Variants in LRP1B observed in about 807,000 individuals in gnomAD.
The protein encoded by LRP1B is low-density lipoprotein receptor-related protein 1B.
A neutral mutation model predicts 556.6 loss-of-function variants in LRP1B; 217 were observed. The ratio of observed to expected loss-of-function variants is 0.39; its 90% CI spans 0.35 to 0.44. The LOEUF is 0.44. Among genes scored for constraint, LRP1B ranks in the 20% least tolerant of loss-of-function variants. The probability of loss-of-function intolerance (pLI) is 1.00; values close to 1 mark genes in which losing one functional copy is unlikely to be tolerated. For missense variants in LRP1B, 5,053 were observed against 5,620.8 expected, an observed-to-expected ratio of 0.90 and a Z score of 3.23; for synonymous variants, 2,047 against 1,865.8, an observed-to-expected ratio of 1.10 and a Z score of -2.50.
chr2:141,558,325 T>C (rs1686033223), intron 2 of LRP1B, among the ~76,000 whole-genome samples: 2 of 151,770 alleles, frequency 1.3e-5, no homozygotes, highest in South Asian at 4.1e-4. Flanking sequence ...TCCTCATCAT[T>C]CGTCAGGCCT....
intron 1 of LRP1B, among the ~76,000 whole-genome samples, chr2:141,968,643 G>C (rs181976497): frequency 6.6e-6 from 1 of 151,914 alleles, no homozygotes; most frequent in Admixed American, 6.6e-5. Context: ...TATTCTAAGT[G>C]AAAGTGAATG....
chr2:141,433,712 T>C (rs914308849), intron 3 of LRP1B, among the ~76,000 whole-genome samples: 1 of 151,880 alleles, frequency 6.6e-6, no homozygotes, highest in Non-Finnish European at 1.5e-5. Context: ...TCTTTGGCTT[T>C]CAACTTTATG....
intron 32 of LRP1B, among the ~76,000 whole-genome samples, chr2:140,782,683 G>GA (rs1489603173): frequency 6.6e-6 from 1 of 151,994 alleles, no homozygotes; most frequent in African/African-American, 2.4e-5. Flanking sequence ...TGTTAATATT[G>GA]ATAATTAACA....
intron 35 of LRP1B, among the ~76,000 whole-genome samples, chr2:140,727,985 G>A (rs1206605428): frequency 1.3e-5 from 2 of 151,908 alleles, no homozygotes; most frequent in Admixed American, 6.6e-5. Context: ...TAAATAAAAT[G>A]AAATCTGCAG....
At chr2:142,054,356 C>T (rs1479987226) in intron 1 of LRP1B, among the ~76,000 whole-genome samples, 4 of 151,996 alleles carry the variant, frequency 2.6e-5, no homozygotes, top group Non-Finnish European at 5.9e-5. Context: ...TAAGATTCCC[C>T]TACATGTTGT....
intron 65 of LRP1B, 80 bp downstream of exon 65, chr2:140,444,250 T>G (rs1686554774): frequency 7.0e-7 from 1 of 1,424,612 alleles, no homozygotes; most frequent in African/African-American, 1.4e-5. Context: ...TCATATGAAT[T>G]TATGAAGTAT....
intron 5 of LRP1B, among the ~76,000 whole-genome samples, chr2:141,235,183 G>A (rs1518799): frequency 1.3e-5 from 2 of 151,826 alleles, no homozygotes; most frequent in South Asian, 4.2e-4. Flanking sequence ...ATTTATCTTA[G>A]CACTACCTTT....
intron 1 of LRP1B, among the ~76,000 whole-genome samples, chr2:141,963,831 T>C (rs1307000364): frequency 6.9e-6 from 1 of 145,014 alleles, no homozygotes; most frequent in Non-Finnish European, 1.5e-5. Flanking sequence ...ACATGATTGT[T>C]TATCTAGAAA....
chr2:140,400,360 T>C (rs536029552), intron 66 of LRP1B, among the ~76,000 whole-genome samples: 4 of 152,288 alleles, frequency 2.6e-5, no homozygotes, highest in Non-Finnish European at 5.9e-5. Flanking sequence ...GATTCTACAC[T>C]ATCTCCCAGA....
chr2:140,431,378 C>A (rs1422392112), intron 66 of LRP1B, among the ~76,000 whole-genome samples: 2 of 152,118 alleles, frequency 1.3e-5, no homozygotes, highest in Non-Finnish European at 1.5e-5. Context: ...AGGCCCCAGT[C>A]TCATTCCAGG....
intron 41 of LRP1B, among the ~76,000 whole-genome samples, chr2:140,657,090 A>C (rs1014853553): frequency 3.3e-5 from 5 of 152,160 alleles, no homozygotes; most frequent in African/African-American, 1.2e-4. Context: ...GAAATATAAT[A>C]GTACTGATAG....
chr2:140,235,185 A>C (rs550268699), intron 89 of LRP1B, among the ~76,000 whole-genome samples: 1 of 151,312 alleles, frequency 6.6e-6, no homozygotes, highest in South Asian at 2.1e-4. Flanking sequence ...TTTGAAGATA[A>C]AACTAGTACA....
chr2:141,658,379 C>A (rs775078407), intron 2 of LRP1B, among the ~76,000 whole-genome samples: 5 of 152,164 alleles, frequency 3.3e-5, no homozygotes, highest in African/African-American at 4.8e-5. Flanking sequence ...TCAGGGCTTG[C>A]TAATTCCAGT....
chr2:141,850,906 C>T (rs1168882625), intron 1 of LRP1B, among the ~76,000 whole-genome samples: 1 of 151,670 alleles, frequency 6.6e-6, no homozygotes, highest in Non-Finnish European at 1.5e-5. Flanking sequence ...TGACATTAAA[C>T]ATACTGATGG....
intron 35 of LRP1B, among the ~76,000 whole-genome samples, chr2:140,733,057 G>T (rs941254859): frequency 3.9e-5 from 6 of 152,036 alleles, no homozygotes; most frequent in Non-Finnish European, 5.9e-5. Context: ...ATTACCTTGA[G>T]CTATAAGCCT....
At chr2:141,684,254 C>A (rs187571266) in intron 2 of LRP1B, among the ~76,000 whole-genome samples, 3 of 152,020 alleles carry the variant, frequency 2.0e-5, no homozygotes, top group East Asian at 1.9e-4. Flanking sequence ...ACATATACAC[C>A]GTGGAATACT....
chr2:141,603,731 C>A (rs1323389734), intron 2 of LRP1B, among the ~76,000 whole-genome samples: 1 of 152,096 alleles, frequency 6.6e-6, no homozygotes. Flanking sequence ...ATTGTGTATA[C>A]CATAGTTACT....
At chr2:141,315,147 G>C (rs1241773813) in intron 3 of LRP1B, among the ~76,000 whole-genome samples, 5 of 149,554 alleles carry the variant, frequency 3.3e-5, no homozygotes, top group Non-Finnish European at 5.9e-5. Context: ...ACATTTACTT[G>C]ATCAGAGATA....
At chr2:141,168,669 G>T (rs1680368543) in intron 7 of LRP1B, among the ~76,000 whole-genome samples, 1 of 151,918 alleles carries the variant, frequency 6.6e-6, no homozygotes, top group Non-Finnish European at 1.5e-5. Flanking sequence ...TAATTAAATT[G>T]CTCCTGTCCA....
Sources: gnomAD v4.1 joint callset for allele counts (sites outside exome capture counted in the v4.1 genomes callset) on GRCh38, gnomAD v4.1.1 for gene constraint, MANE v1.5 for transcripts, NCBI Gene and HGNC (gene_info 2026-07-23, HGNC 2026-07-21) for gene names.